TINAGL1: variants seen among roughly 807,000 people sequenced by gnomAD.
The protein encoded by TINAGL1 is tubulointerstitial nephritis antigen like 1, also known as tubulointerstitial nephritis antigen-like.
Under a neutral mutation model 62.0 loss-of-function variants are expected in TINAGL1, and 34 were observed. That is an observed-to-expected ratio of 0.55 (90% confidence interval 0.42 to 0.73). TINAGL1 has a LOEUF of 0.73. Ranked by LOEUF, TINAGL1 falls within the 30% of genes least tolerant of loss-of-function variation. The pLI, the probability that TINAGL1 is intolerant of heterozygous loss-of-function variation, is 0.00. For missense variants in TINAGL1, 516 were observed against 653.2 expected, an observed-to-expected ratio of 0.79 and a Z score of 2.29; for synonymous variants, 221 against 249.7, an observed-to-expected ratio of 0.88 and a Z score of 1.08.
rs773561603 is a variant in TINAGL1 at position 31,585,152 on chromosome 1, G to C, written c.859G>C (p.Val287Leu). The change falls in exon 8 of 12, where the codon GTG becomes CTG. Residue 287 changes from valine (V) to leucine (L), a missense_variant and splice_region_variant. Coordinates refer to ENST00000271064, the MANE Select transcript of TINAGL1 (RefSeq NM_022164.3). This position sits in a 1 kb window ranked among gnomAD's most constrained non-coding sequence, Gnocchi z 4.3. ...TGCTCCCTCTTGCTGCCTTTGCAGGGTGGTGTCTGACCACTGCTACCCCTT... is the reference window on the plus strand; with the variant it reads ...TGCTCCCTCTTGCTGCCTTTGCAGGCTGGTGTCTGACCACTGCTACCCCTT... ...GAWWFLRRRG[V>L]VSDHCYPFSG... The C allele has an allele frequency of 6.3e-7, 1 of 1,575,486 alleles. No individual in the cohort carries two copies. The highest frequency in any genetic ancestry group is 1.2e-5 in the South Asian group (1 of 85,472).
At position 31,587,109 on chromosome 1, in the gene TINAGL1, C is replaced by G; in HGVS notation, c.*130C>G. 1 of 1,288,304 alleles carries G rather than the reference C, an allele frequency of 7.8e-7. No homozygotes were observed. Among genetic ancestry groups the G allele is most frequent in the Non-Finnish European group, 9.8e-7 (1 of 1,015,950 alleles). The allele number at this position is 1,288,304 out of a possible 1,614,324, so 79.8% of individuals were successfully genotyped here. A position where few individuals can be genotyped will look rare whatever the true frequency, so the allele number is the denominator to read the frequency against. On this transcript the variant is annotated 3_prime_UTR_variant, in exon 12 of 12. Coordinates refer to ENST00000271064, the MANE Select transcript of TINAGL1 (RefSeq NM_022164.3). ...CGCAGGCGGGCGCCAGGGCGCTAAT[C>G]CCGGCGCGGGTTCCGCTGACGCAGC...
Position 31,585,148 on chromosome 1 carries a change from C to A in TINAGL1, c.858-3C>A, listed in dbSNP as rs1291603402. On this transcript the variant is annotated splice_region_variant and splice_polypyrimidine_tract_variant and intron_variant, in intron 7 of 11. Coordinates refer to ENST00000271064, the MANE Select transcript of TINAGL1 (RefSeq NM_022164.3). The surrounding 1 kb of genome is among the most constrained non-coding windows in gnomAD (Gnocchi z 4.3). ...CCTTTGCTCCCTCTTGCTGCCTTTGCAGGGTGGTGTCTGACCACTGCTACC... is the reference window on the plus strand; with the variant it reads ...CCTTTGCTCCCTCTTGCTGCCTTTGAAGGGTGGTGTCTGACCACTGCTACC... 6.4e-7 allele frequency: 1 copy of A among 1,571,652 alleles called. No individual in the cohort carries two copies. The highest frequency in any genetic ancestry group is 1.4e-5 in the African/African-American group (1 of 74,014).
At chr1:31,586,504 C>T (rs772009016) in intron 10 of TINAGL1, 973 of 630,582 alleles carry the variant, frequency 1.5e-3, no homozygotes, top group Middle Eastern at 4.2e-3. Context: ...TGGTGCCCCA[C>T]CCCCTCCCAT....
At chr1:31,580,814 C>CA (rs1557558662) in intron 3 of TINAGL1, 5 of 1,191,956 alleles carry the variant, frequency 4.2e-6, no homozygotes, top group Non-Finnish European at 3.2e-6. Flanking sequence ...TACTGCGTGA[C>CA]AGGCACTATG....
In TINAGL1 at chr1:31,584,849, T is replaced by C. The variant is rs1570216687; in HGVS notation, c.707-37T>C. 1 of 1,613,800 alleles carries C rather than the reference T, an allele frequency of 6.2e-7. No individual in the cohort carries two copies. The highest frequency in any genetic ancestry group is 2.2e-5 in the East Asian group (1 of 44,872). Reference sequence around the variant, plus strand: ...CGCCTGGGAGAGGAGGGCCAAGTCCTGAGCCTCCCGACAGCCCCTCTATCT... The same window carrying C: ...CGCCTGGGAGAGGAGGGCCAAGTCCCGAGCCTCCCGACAGCCCCTCTATCT... On this transcript the variant is annotated intron_variant, in intron 6 of 11. Transcript: ENST00000271064. The surrounding 1 kb of genome is among the most constrained non-coding windows in gnomAD (Gnocchi z 4.0).
At position 31,584,359 on chromosome 1, in the gene TINAGL1, A is replaced by G; in HGVS notation, c.583-319A>G. ...ATCAGAAGGTGCAGAGGAAAGAGGC[A>G]GGGGTTGAGAATGGAAAGCTGAGGG... On this transcript the variant is annotated intron_variant, in intron 5 of 11. Transcript: ENST00000271064. The surrounding 1 kb of genome is among the most constrained non-coding windows in gnomAD (Gnocchi z 4.0). 1 of 350,522 alleles carries G rather than the reference A, an allele frequency of 2.9e-6. No homozygotes were observed. Among genetic ancestry groups the G allele is most frequent in the Non-Finnish European group, 5.5e-6 (1 of 183,434 alleles). The allele number at this position is 350,522 out of a possible 1,614,324, so 21.7% of individuals were successfully genotyped here.
Position 31,585,555 on chromosome 1 carries a change from A to G in TINAGL1, c.1093+70A>G. On this transcript the variant is annotated intron_variant, in intron 9 of 11. Transcript: ENST00000271064. This position sits in a 1 kb window ranked among gnomAD's most constrained non-coding sequence, Gnocchi z 4.3. ...GCTTGAGAGTGGGCACAGTAGCACA[A>G]GTGGCCTGCACAGCATTCAGCAGCA... 3.1e-6 allele frequency: 5 copies of G among 1,599,370 alleles called. No individual in the cohort carries two copies. Among genetic ancestry groups the G allele is most frequent in the South Asian group, 1.1e-5 (1 of 89,054 alleles).
At chr1:31,582,509 A>G (rs1016026096) in intron 3 of TINAGL1, among the ~76,000 whole-genome samples, 12 of 152,076 alleles carry the variant, frequency 7.9e-5, no homozygotes, top group African/African-American at 2.9e-4. Context: ...AAGCCAGTGG[A>G]GGGTTTTGGG....
At chr1:31,581,493 C>A (rs1255176351) in intron 3 of TINAGL1, among the ~76,000 whole-genome samples, 2 of 152,122 alleles carry the variant, frequency 1.3e-5, no homozygotes, top group Admixed American at 6.5e-5. Flanking sequence ...CTGATGTGAA[C>A]AACTGGGTGC....
chr1:31,579,999 G>A (rs956750133), intron 3 of TINAGL1, among the ~76,000 whole-genome samples: 6 of 152,236 alleles, frequency 3.9e-5, no homozygotes, highest in Admixed American at 3.9e-4. Flanking sequence ...AGGGGTGCCC[G>A]GGTCACAGTG....
At chr1:31,579,126 C>T in intron 2 of TINAGL1, 78 bp from the exon 3 acceptor site, 1 of 1,073,264 alleles carries the variant, frequency 9.3e-7, no homozygotes, top group Non-Finnish European at 1.4e-6. Flanking sequence ...GTTCAAGGTA[C>T]CTGACCTCCA....
In TINAGL1 at chr1:31,586,962, G is replaced by T; in HGVS notation, c.1387G>T (p.Asp463Tyr). The change falls in exon 12 of 12, where the codon GAC becomes TAC. Residue 463 changes from aspartate to tyrosine, a missense_variant. Asp to Tyr is a radical substitution (Grantham distance 160). Transcript: ENST00000271064. Reference protein sequence around the residue: ...LGVWGRVGMEDMGHH With the variant: ...LGVWGRVGMEYMGHH Reference sequence around the variant, plus strand: ...CGTCTGGGGCCGCGTGGGCATGGAGGACATGGGTCATCACTGAGGCTGCGG... The same window carrying T: ...CGTCTGGGGCCGCGTGGGCATGGAGTACATGGGTCATCACTGAGGCTGCGG... 6.6e-7 allele frequency: 1 copy of T among 1,524,202 alleles called. No individual in the cohort carries two copies. 94.4% of individuals were successfully genotyped at this position (1,524,202 alleles called of 1,614,324 possible).
At chr1:31,580,216 TCTCTCTCTCTGTCTCTCTCTGTCTCTC>T (rs1639199343) in intron 3 of TINAGL1, 1 of 731,392 alleles carries the variant, frequency 1.4e-6, no homozygotes, top group African/African-American at 2.0e-5. Context: ...TCTCTCTGTC[TCTCTCTCTCTGTCTCTCTCTGTCTCTC>T]TCTCTCTGTC....
At position 31,577,685 on chromosome 1, in the gene TINAGL1, C is replaced by G. The variant is rs1205984086; in HGVS notation, c.310+227C>G. The G allele has an allele frequency of 3.5e-6, 2 of 570,304 alleles. No homozygotes were observed. The highest frequency in any genetic ancestry group is 6.1e-6 in the Non-Finnish European group (2 of 329,900). The allele number at this position is 570,304 out of a possible 1,614,324, so 35.3% of individuals were successfully genotyped here. On this transcript the variant is annotated intron_variant, in intron 2 of 11. Coordinates refer to ENST00000271064, the MANE Select transcript of TINAGL1 (RefSeq NM_022164.3). This position sits in a 1 kb window ranked among gnomAD's most constrained non-coding sequence, Gnocchi z 5.4. ...AAGGGCAACCTCCCACATTTTCTCC[C>G]AATCCTGTCTCTTTTCCAGACACGG...
intron 3 of TINAGL1, among the ~76,000 whole-genome samples, chr1:31,581,554 C>T (rs150996073): frequency 1.1e-4 from 17 of 152,230 alleles, no homozygotes; most frequent in East Asian, 7.7e-4. Flanking sequence ...GGGAGGCAGA[C>T]GGGCTATTTT....
At chr1:31,586,042 G>A (rs1639382931) in intron 10 of TINAGL1, 166 bp downstream of exon 10, 4 of 1,004,700 alleles carry the variant, frequency 4.0e-6, no homozygotes, top group Non-Finnish European at 5.5e-6. Flanking sequence ...GCCCTGGGTC[G>A]AATTGAAGGT....
At position 31,585,763 on chromosome 1, in the gene TINAGL1, G is replaced by A; in HGVS notation, c.1104G>A (p.Glu368=). ...GACATCTGCCCACAGCCCTCATGGA[G>A]GTGCATGAGGACTTCTTCCTATACA... ...MENGPVQALM[E]VHEDFFLYKG... is the part of the protein sequence containing the mutation. The change falls in exon 10 of 12, where the codon GAG becomes GAA. Residue 368 remains glutamate, a synonymous_variant. Coordinates refer to ENST00000271064, the MANE Select transcript of TINAGL1 (RefSeq NM_022164.3). The surrounding 1 kb of genome is among the most constrained non-coding windows in gnomAD (Gnocchi z 4.3). 2 of 1,613,510 alleles carry A rather than the reference G, an allele frequency of 1.2e-6. No homozygotes were observed. Among genetic ancestry groups the A allele is most frequent in the Non-Finnish European group, 1.7e-6 (2 of 1,179,730 alleles).
At chr1:31,586,777 C>A in intron 11 of TINAGL1, 22 bp downstream of exon 11, 1 of 1,551,312 alleles carries the variant, frequency 6.4e-7, no homozygotes, top group East Asian at 2.4e-5. Flanking sequence ...GACCCTTTCC[C>A]CGCCCCCTCT....
chr1:31,580,684 G>A, intron 3 of TINAGL1: 1 of 1,283,474 alleles, frequency 7.8e-7, no homozygotes, highest in Non-Finnish European at 1.0e-6. Context: ...GGAGGTGGGA[G>A]CCTTGGACAG....
Sources: allele counts gnomAD v4.1 joint callset (sites outside exome capture counted in the v4.1 genomes callset), GRCh38; gene constraint gnomAD v4.1.1; non-coding constraint Gnocchi (gnomAD v3.1); transcripts MANE v1.5; gene names NCBI Gene and HGNC (gene_info 2026-07-23, HGNC 2026-07-21).